ZFAT: variants seen among roughly 807,000 people sequenced by gnomAD.
ZFAT encodes zinc finger and AT-hook domain containing, also known as zinc finger protein ZFAT.
A neutral mutation model predicts 117.7 loss-of-function variants in ZFAT; 64 were observed. The ratio of observed to expected loss-of-function variants is 0.54; its 90% CI spans 0.44 to 0.67. The LOEUF (loss-of-function observed/expected upper bound fraction) is 0.67. ZFAT is among the 30% of genes least tolerant of loss of function. The pLI, the probability that ZFAT is intolerant of heterozygous loss-of-function variation, is 0.00. For synonymous variants in ZFAT, 679 were observed against 615.0 expected (o/e 1.10, Z -1.54); for missense variants, 1,433 against 1,584.5 (o/e 0.90, Z 1.62).
At chr8:134,580,774 T>C (rs1019986710) in intron 10 of ZFAT, among the ~76,000 whole-genome samples, 4 of 152,190 alleles carry the variant, frequency 2.6e-5, no homozygotes, top group Admixed American at 6.5e-5. Flanking sequence ...ATGATAACTG[T>C]TTGGAAACAA....
intron 12 of ZFAT, among the ~76,000 whole-genome samples, chr8:134,524,853 C>A (rs892503741): frequency 5.9e-5 from 9 of 152,224 alleles, no homozygotes; most frequent in Non-Finnish European, 1.5e-5. Flanking sequence ...ACCACCAACA[C>A]TACTAATAGC....
At chr8:134,526,437 G>C (rs10505624) in intron 12 of ZFAT, among the ~76,000 whole-genome samples, 20,879 of 152,116 alleles carry the variant, frequency 0.14, 1,851 homozygotes, top group Non-Finnish European at 0.19. Flanking sequence ...CGGAAGACTT[G>C]GTGAATTTAC....
At chr8:134,827,155 G>A in the ZFAT span, among the ~76,000 whole-genome samples, 6 of 152,080 alleles carry the variant, frequency 3.9e-5, no homozygotes, top group African/African-American at 9.7e-5. Context: ...GGGCTCAAGC[G>A]ATCCTCCCAC....
chr8:134,562,014 T>G (rs1046336678), intron 11 of ZFAT, among the ~76,000 whole-genome samples: 1 of 152,170 alleles, frequency 6.6e-6, no homozygotes, highest in African/African-American at 2.4e-5. Flanking sequence ...ACTAATCATC[T>G]GAGATTAAGA....
chr8:134,503,394 C>T (rs915025368), intron 15 of ZFAT, among the ~76,000 whole-genome samples: 1 of 152,214 alleles, frequency 6.6e-6, no homozygotes, highest in Non-Finnish European at 1.5e-5. Flanking sequence ...CTCTGTGAAA[C>T]TGAGAATTTC....
At chr8:134,666,902 A>C (rs76713447) in intron 1 of ZFAT, among the ~76,000 whole-genome samples, 2 of 152,238 alleles carry the variant, frequency 1.3e-5, no homozygotes, top group Non-Finnish European at 2.9e-5. Flanking sequence ...CTAATTCAAG[A>C]AGCTGAGCAA....
chr8:134,521,726 C>T (rs1820673380), intron 12 of ZFAT, among the ~76,000 whole-genome samples: 1 of 152,216 alleles, frequency 6.6e-6, no homozygotes, highest in African/African-American at 2.4e-5. Flanking sequence ...ACAAAAGTCT[C>T]TTTGAACAGA....
At chr8:134,582,611 G>T (rs1023535144) in intron 10 of ZFAT, among the ~76,000 whole-genome samples, 1 of 152,066 alleles carries the variant, frequency 6.6e-6, no homozygotes, top group African/African-American at 2.4e-5. Flanking sequence ...TTTTTTTAGA[G>T]AGAGTACTGC....
chr8:134,679,019 A>T (rs928281805), intron 1 of ZFAT, among the ~76,000 whole-genome samples: 2 of 152,244 alleles, frequency 1.3e-5, no homozygotes, highest in African/African-American at 4.8e-5. Flanking sequence ...CATTCAGGAC[A>T]TAGGCATAGC....
chr8:134,484,845 G>C (rs970992727), intron 15 of ZFAT, among the ~76,000 whole-genome samples: 1 of 152,166 alleles, frequency 6.6e-6, no homozygotes, highest in East Asian at 1.9e-4. Context: ...ACCCAGGCTG[G>C]AGTACAGTGA....
intron 4 of ZFAT, among the ~76,000 whole-genome samples, 181 bp downstream of exon 4, chr8:134,610,289 T>G (rs1293293025): frequency 2.0e-5 from 3 of 152,190 alleles, no homozygotes. Context: ...TTCTCCTCCA[T>G]CCATTAACCA....
intron 1 of ZFAT, among the ~76,000 whole-genome samples, chr8:134,677,585 T>G (rs1027939176): frequency 6.6e-6 from 1 of 152,188 alleles, no homozygotes; most frequent in Non-Finnish European, 1.5e-5. Context: ...CCTCCCTAAC[T>G]CATTTTATGA....
chr8:134,667,427 A>T (rs1832284367), intron 1 of ZFAT, among the ~76,000 whole-genome samples: 1 of 141,172 alleles, frequency 7.1e-6, no homozygotes, highest in Non-Finnish European at 1.5e-5. Flanking sequence ...CGGGAGGTGG[A>T]GGTTGCAGTG....
intron 11 of ZFAT, among the ~76,000 whole-genome samples, chr8:134,559,805 A>G (rs969760177): frequency 6.6e-6 from 1 of 152,052 alleles, no homozygotes; most frequent in African/African-American, 2.4e-5. Context: ...CATACACTCA[A>G]AGTTATTCCC....
intron 3 of ZFAT, among the ~76,000 whole-genome samples, chr8:134,632,777 T>C (rs972642809): frequency 6.6e-6 from 1 of 151,274 alleles, no homozygotes; most frequent in African/African-American, 2.4e-5. Flanking sequence ...TTGCAGAAAA[T>C]ATTTTCAGCA....
intron 10 of ZFAT, among the ~76,000 whole-genome samples, chr8:134,576,219 C>T (rs72719760): frequency 0.046 from 7,066 of 152,314 alleles, 263 homozygotes; most frequent in Non-Finnish European, 0.074. Context: ...GCTCAGTAAG[C>T]TGCGTAGTTC....
At chr8:134,711,428 G>A (rs931904749) in intron 1 of ZFAT, among the ~76,000 whole-genome samples, 1 of 152,256 alleles carries the variant, frequency 6.6e-6, no homozygotes, top group Admixed American at 6.5e-5. Flanking sequence ...AAGTCTCTCC[G>A]GTGCTCATTT....
chr8:134,724,759 G>A, the ZFAT span, among the ~76,000 whole-genome samples: 4 of 152,046 alleles, frequency 2.6e-5, no homozygotes, highest in African/African-American at 9.7e-5. Context: ...TCTCAAAGGG[G>A]AGCTGTCTAT....
In ZFAT at chr8:134,512,503, G is replaced by C; in HGVS notation, c.3333C>G (p.Leu1111=). 4 of 1,614,000 alleles carry C rather than the reference G, an allele frequency of 2.5e-6. No homozygotes were observed. Among genetic ancestry groups the C allele is most frequent in the South Asian group, 1.1e-5 (1 of 91,078 alleles). Residue 1111 remains leucine, a synonymous_variant, in exon 14 of 16, where the codon CTC becomes CTG. Coordinates refer to ENST00000377838, the MANE Select transcript of ZFAT (RefSeq NM_020863.4). ...TCTCAGAGGTGTATCTCAGGTCCTGGAGCGCGGCCACCGCTGCCTGTGTCC... is the reference window on the plus strand; with the variant it reads ...TCTCAGAGGTGTATCTCAGGTCCTGCAGCGCGGCCACCGCTGCCTGTGTCC... The part of the protein sequence containing the change: ...VQGTQAAVAA[L]QDLRYTSESG...
Sources: allele counts gnomAD v4.1 joint callset (sites outside exome capture counted in the v4.1 genomes callset), GRCh38; gene constraint gnomAD v4.1.1; transcripts MANE v1.5; gene names NCBI Gene and HGNC (gene_info 2026-07-23, HGNC 2026-07-21).